ARID1B: variants seen among roughly 807,000 people sequenced by gnomAD.
ARID1B encodes the protein AT-rich interaction domain 1B.
A neutral mutation model predicts 212.3 loss-of-function variants in ARID1B; 30 were observed. The ratio of observed to expected loss-of-function variants is 0.14; its 90% CI spans 0.11 to 0.19. The LOEUF (loss-of-function observed/expected upper bound fraction) is 0.19, where lower values mean the gene tolerates loss of function less well. Ranked by LOEUF, ARID1B falls within the 10% of genes least tolerant of loss-of-function variation. The pLI, the probability that ARID1B is intolerant of heterozygous loss-of-function variation, is 1.00. For missense variants in ARID1B, 2,891 were observed against 3,204.0 expected, an observed-to-expected ratio of 0.90 and a Z score of 2.36; for synonymous variants, 1,402 against 1,301.7, an observed-to-expected ratio of 1.08 and a Z score of -1.66.
At chr6:156,841,684 G>T (rs1408767732) in intron 2 of ARID1B, among the ~76,000 whole-genome samples, 3 of 151,918 alleles carry the variant, frequency 2.0e-5, no homozygotes, top group Non-Finnish European at 4.4e-5. Context: ...GTTTATTGAG[G>T]GCTTACTCTG....
Position 156,906,857 on chromosome 6 carries a change from A to G in ARID1B, c.2136+5332A>G, listed in dbSNP as rs1177988801. Reference sequence around the variant, plus strand: ...GAGCTGCTGTATTACTTTTGTTAGGATTATTCTTACATACCTTATTTTTTG... The same window carrying G: ...GAGCTGCTGTATTACTTTTGTTAGGGTTATTCTTACATACCTTATTTTTTG... On this transcript the variant is annotated intron_variant, in intron 3 of 19. Transcript: ENST00000636930. 3.9e-5 allele frequency among the ~76,000 whole-genome samples: 6 copies of G among 152,070 alleles called. No homozygotes were observed. In the South Asian group the frequency reaches 1.0e-3, roughly 26 times the overall value.
rs1562542228 is a variant in ARID1B at position 157,004,897 on chromosome 6, C to CTTTTTTGTTTTTTTTTTTTTTTTTTT, written c.2247+69327_2247+69328insGTTTTTTTTTTTTTTTTTTTTTTTTT. Among the ~76,000 whole-genome samples, 15 of 54,722 alleles carry CTTTTTTGTTTTTTTTTTTTTTTTTTT rather than the reference C, an allele frequency of 2.7e-4. 2 individuals are homozygous for CTTTTTTGTTTTTTTTTTTTTTTTTTT. The highest frequency in any genetic ancestry group is 2.9e-4 in the Non-Finnish European group (8 of 27,312). The allele number at this position is 54,722 out of a possible 152,430, so 35.9% of individuals were successfully genotyped here. Reference sequence around the variant, plus strand: ...TTTTTTCTTTTTCTTCTTCTTTTTTCTTTTTTTTTTTTTTTTTTTTTTTTT... The same window carrying CTTTTTTGTTTTTTTTTTTTTTTTTTT: ...TTTTTTCTTTTTCTTCTTCTTTTTTCTTTTTTGTTTTTTTTTTTTTTTTTTTTTTTTTTTTTTTTTTTTTTTTTTTT... On this transcript the variant is annotated intron_variant, in intron 4 of 19. Transcript: ENST00000636930.
chr6:157,134,514 GC>G (rs1788781429), intron 7 of ARID1B, among the ~76,000 whole-genome samples: 1 of 152,164 alleles, frequency 6.6e-6, no homozygotes, highest in Non-Finnish European at 1.5e-5. Flanking sequence ...TTGGTGTTTT[GC>G]CCAATTCTCT....
At chr6:156,938,491 C>T (rs1407949561) in intron 4 of ARID1B, 4 of 152,082 alleles carry the variant, frequency 2.6e-5, no homozygotes, top group Non-Finnish European at 5.9e-5. Flanking sequence ...ATATTTGAAA[C>T]CTGTAGTTTT....
At chr6:156,962,253 C>T (rs1794433414) in intron 4 of ARID1B, among the ~76,000 whole-genome samples, 1 of 152,080 alleles carries the variant, frequency 6.6e-6, no homozygotes, top group African/African-American at 2.4e-5. Flanking sequence ...GAGCTGAGAT[C>T]ACGCCACTGC....
intron 4 of ARID1B, among the ~76,000 whole-genome samples, chr6:156,959,544 GTT>G (rs1214239335): frequency 2.7e-5 from 4 of 147,056 alleles, no homozygotes; most frequent in Non-Finnish European, 5.9e-5. Context: ...TCTGTTTATT[GTT>G]ACAGTGTGTA....
intron 7 of ARID1B, among the ~76,000 whole-genome samples, chr6:157,141,932 A>G (rs1405471687): frequency 6.6e-6 from 1 of 152,238 alleles, no homozygotes; most frequent in Admixed American, 6.5e-5. Flanking sequence ...ACCAAGAAAG[A>G]TGAAACATAT....
intron 17 of ARID1B, 100 bp downstream of exon 17, chr6:157,199,007 C>A: frequency 2.0e-6 from 2 of 986,782 alleles, no homozygotes; most frequent in African/African-American, 1.6e-5. Flanking sequence ...AGACATCTAA[C>A]AAAAATGATT....
intron 4 of ARID1B, among the ~76,000 whole-genome samples, chr6:157,019,347 A>G (rs1780089677): frequency 6.6e-6 from 1 of 152,208 alleles, no homozygotes; most frequent in African/African-American, 2.4e-5. Context: ...GATGATGTTT[A>G]TAGCCAGCAT....
In ARID1B at chr6:157,039,793, C is replaced by CTTCT. The variant is rs1232604767; in HGVS notation, c.2248-44860_2248-44857dup. Reference sequence around the variant, plus strand: ...CCTACCTACCTTCCTTCCTTCCTTCCTTCTTTCTTTCTCTTTCTTTCTTTT... The same window carrying CTTCT: ...CCTACCTACCTTCCTTCCTTCCTTCCTTCTTTCTTTCTTTCTCTTTCTTTCTTTT... On this transcript the variant is annotated intron_variant, in intron 4 of 19. Coordinates refer to ENST00000636930, the MANE Select transcript of ARID1B (RefSeq NM_001374828.1). Among the ~76,000 whole-genome samples the CTTCT allele has an allele frequency of 5.7e-3, 778 of 136,842 alleles. 19 individuals are homozygous for CTTCT. Among genetic ancestry groups the CTTCT allele is most frequent in the African/African-American group, 0.021 (717 of 34,664 alleles). The allele number at this position is 136,842 out of a possible 152,430, so 89.8% of individuals were successfully genotyped here.
chr6:156,846,398 C>T (rs182632846), intron 2 of ARID1B, among the ~76,000 whole-genome samples: 115 of 151,754 alleles, frequency 7.6e-4, no homozygotes, highest in Non-Finnish European at 1.3e-3. Flanking sequence ...AACTCCTGAC[C>T]TCGTGAACCA....
chr6:156,798,708 C>T (rs894934548), intron 1 of ARID1B, among the ~76,000 whole-genome samples: 6 of 152,188 alleles, frequency 3.9e-5, no homozygotes, highest in Non-Finnish European at 5.9e-5. Context: ...TGTAGTGAGT[C>T]AGCTGGCTTG....
intron 1 of ARID1B, among the ~76,000 whole-genome samples, chr6:156,808,038 A>C (rs187377126): frequency 2.9e-4 from 44 of 152,308 alleles, no homozygotes; most frequent in Admixed American, 5.2e-4. Context: ...GTGCTATAAA[A>C]ATACAACCTC....
intron 8 of ARID1B, among the ~76,000 whole-genome samples, chr6:157,154,909 T>C (rs1790479763): frequency 6.6e-6 from 1 of 152,062 alleles, no homozygotes; most frequent in African/African-American, 2.4e-5. Flanking sequence ...TTTTTTGTTT[T>C]GTTTTGTTTT....
intron 2 of ARID1B, among the ~76,000 whole-genome samples, chr6:156,863,950 CG>C (rs539906145): frequency 2.9e-4 from 44 of 152,232 alleles, no homozygotes; most frequent in African/African-American, 1.0e-3. Context: ...CTCACTAGTT[CG>C]AACATTCCGT....
chr6:156,810,001 C>G (rs950975228), intron 1 of ARID1B, among the ~76,000 whole-genome samples: 2 of 152,184 alleles, frequency 1.3e-5, no homozygotes, highest in African/African-American at 4.8e-5. Flanking sequence ...GAATCAGATT[C>G]AGGAGGGAGG....
At chr6:156,857,424 C>G (rs750428996) in intron 2 of ARID1B, among the ~76,000 whole-genome samples, 1 of 152,020 alleles carries the variant, frequency 6.6e-6, no homozygotes, top group Non-Finnish European at 1.5e-5. Flanking sequence ...AAGCAGAGGC[C>G]CTGGTGTGTA....
chr6:157,198,275 G>C (rs1793870848), intron 16 of ARID1B, among the ~76,000 whole-genome samples: 1 of 152,150 alleles, frequency 6.6e-6, no homozygotes, highest in Non-Finnish European at 1.5e-5. Flanking sequence ...ATAATGATTA[G>C]CTAACATTTG....
At position 156,829,224 on chromosome 6, in the gene ARID1B, C is replaced by T. The variant is rs1782967831; in HGVS notation, c.1792-3C>T. ...TAAACCGACTTCTTTTATGTCTTCA[C>T]AGGGCAGCCCAATGGATCCAATGGT... is the stretch of plus-strand genomic sequence containing the variant. On this transcript the variant is annotated splice_polypyrimidine_tract_variant and splice_region_variant and intron_variant, in intron 1 of 19. Coordinates refer to ENST00000636930, the MANE Select transcript of ARID1B (RefSeq NM_001374828.1). 1.2e-6 allele frequency: 2 copies of T among 1,606,430 alleles called. No individual in the cohort carries two copies. The highest frequency in any genetic ancestry group is 1.7e-6 in the Non-Finnish European group (2 of 1,175,630).
Sources: gnomAD v4.1 joint callset for allele counts (sites outside exome capture counted in the v4.1 genomes callset) on GRCh38, gnomAD v4.1.1 for gene constraint, MANE v1.5 for transcripts, NCBI Gene and HGNC (gene_info 2026-07-23, HGNC 2026-07-21) for gene names.